Variants in FUT9 observed in about 807,000 individuals in gnomAD.
FUT9 encodes 4-galactosyl-N-acetylglucosaminide 3-alpha-L-fucosyltransferase 9.
FUT9 carries 15 observed loss-of-function variants against 29.7 expected under a neutral mutation model. The ratio of observed to expected loss-of-function variants is 0.51; its 90% CI spans 0.34 to 0.78. The LOEUF is 0.78. Ranked by LOEUF, FUT9 falls within the 30% of genes least tolerant of loss-of-function variation. The pLI is 0.01. For synonymous variants in FUT9, 169 were observed against 153.7 expected (o/e 1.10, Z -0.74); for missense variants, 319 against 425.4 (o/e 0.75, Z 2.20).
intron 1 of FUT9, among the ~76,000 whole-genome samples, chr6:96,042,571 C>A (rs1164254751): frequency 2.0e-5 from 3 of 152,114 alleles, no homozygotes; most frequent in African/African-American, 7.2e-5. Flanking sequence ...TATACTCCAG[C>A]ATGCATATTA....
rs575637378 is a variant in FUT9 at position 96,016,943 on chromosome 6, C to G, written c.-98+731C>G. The stretch of plus-strand genomic sequence containing the variant: ...TTTTTGTTATTGTTGTTTTAAAGCG[C>G]AGAACTATTTGCATTGCTTAGGTTT... On this transcript the variant is annotated intron_variant, in intron 1 of 2. Coordinates refer to ENST00000302103, the MANE Select transcript of FUT9 (RefSeq NM_006581.4). Among the ~76,000 whole-genome samples, 12 of 152,326 alleles carry G rather than the reference C, an allele frequency of 7.9e-5. No homozygotes were observed. The East Asian group carries it at 2.3e-3, about 29-fold the overall frequency.
intron 1 of FUT9, among the ~76,000 whole-genome samples, chr6:96,102,002 G>A (rs1447649663): frequency 1.3e-5 from 2 of 152,026 alleles, no homozygotes; most frequent in Non-Finnish European, 2.9e-5. Flanking sequence ...ATATGGATAT[G>A]TATGCACGTG....
At chr6:96,119,979 G>A (rs1771990608) in intron 2 of FUT9, among the ~76,000 whole-genome samples, 1 of 152,120 alleles carries the variant, frequency 6.6e-6, no homozygotes, top group African/African-American at 2.4e-5. Context: ...TAATAGTATA[G>A]TAGGTATAGG....
intron 1 of FUT9, among the ~76,000 whole-genome samples, chr6:96,089,553 T>C (rs545759037): frequency 1.3e-5 from 2 of 152,336 alleles, no homozygotes; most frequent in East Asian, 3.9e-4. Flanking sequence ...AGAAGGTAGA[T>C]CTGATCCATA....
rs942582694 is a variant in FUT9 at position 96,206,027 on chromosome 6, C to A, written c.*1792C>A. 2 of 166,906 alleles carry A rather than the reference C, an allele frequency of 1.2e-5. No homozygotes were observed. The highest frequency in any genetic ancestry group is 4.8e-5 in the African/African-American group (2 of 41,452). The allele number at this position is 166,906 out of a possible 1,614,324, so 10.3% of individuals were successfully genotyped here. A position where few individuals can be genotyped will look rare whatever the true frequency, so the allele number is the denominator to read the frequency against. On this transcript the variant is annotated 3_prime_UTR_variant, in exon 3 of 3. Transcript: ENST00000302103. ...TAAGATGAACAAGGTACTATCACTG[C>A]CTAAAATGAGCTTACAATTAAGTGG...
At chr6:96,053,107 G>A (rs1238400916) in intron 1 of FUT9, among the ~76,000 whole-genome samples, 1 of 151,138 alleles carries the variant, frequency 6.6e-6, no homozygotes, top group African/African-American at 2.4e-5. Flanking sequence ...CCTTTATCCT[G>A]GTCTACTGAG....
At chr6:96,027,163 G>A (rs1770182628) in intron 1 of FUT9, among the ~76,000 whole-genome samples, 1 of 151,474 alleles carries the variant, frequency 6.6e-6, no homozygotes, top group Admixed American at 6.6e-5. Context: ...TTCAAATTTT[G>A]CATTTATAGT....
intron 1 of FUT9, among the ~76,000 whole-genome samples, chr6:96,096,764 A>C (rs1013813189): frequency 6.6e-6 from 1 of 150,648 alleles, no homozygotes; most frequent in South Asian, 2.1e-4. Context: ...TGCCTACTCT[A>C]TTGAAAATTG....
chr6:96,170,546 T>TCACACA (rs5878420), intron 2 of FUT9, among the ~76,000 whole-genome samples: 10 of 148,794 alleles, frequency 6.7e-5, no homozygotes, highest in African/African-American at 2.5e-4. Flanking sequence ...AAAATCCCTT[T>TCACACA]CACACACACA....
intron 2 of FUT9, among the ~76,000 whole-genome samples, chr6:96,127,263 C>T (rs1205898723): frequency 2.0e-5 from 3 of 152,142 alleles, no homozygotes; most frequent in Non-Finnish European, 4.4e-5. Context: ...CAGTGTTTAG[C>T]TCCCACTTAT....
At chr6:96,080,689 A>C (rs1426781277) in intron 1 of FUT9, among the ~76,000 whole-genome samples, 1 of 151,916 alleles carries the variant, frequency 6.6e-6, no homozygotes, top group East Asian at 1.9e-4. Flanking sequence ...GTCCTTCCTA[A>C]AGTGGTCATA....
chr6:96,154,431 A>G (rs1423757421), intron 2 of FUT9, among the ~76,000 whole-genome samples: 1 of 152,214 alleles, frequency 6.6e-6, no homozygotes, highest in Non-Finnish European at 1.5e-5. Flanking sequence ...TTTACTTGTT[A>G]GTTGAAAATT....
intron 2 of FUT9, among the ~76,000 whole-genome samples, chr6:96,175,813 G>A (rs893187536): frequency 6.6e-6 from 1 of 152,178 alleles, no homozygotes; most frequent in Non-Finnish European, 1.5e-5. Context: ...TCAACTTAAT[G>A]AGATTAAGGG....
At chr6:96,111,268 G>A (rs930930962) in intron 1 of FUT9, among the ~76,000 whole-genome samples, 2 of 151,954 alleles carry the variant, frequency 1.3e-5, no homozygotes, top group Non-Finnish European at 2.9e-5. Context: ...TCTACCCCAC[G>A]GCAGGCAGAT....
chr6:96,127,692 CTGTTA>C (rs1409208729), intron 2 of FUT9, among the ~76,000 whole-genome samples: 2 of 152,046 alleles, frequency 1.3e-5, no homozygotes, highest in African/African-American at 4.8e-5. Flanking sequence ...TTGCCAGCAT[CTGTTA>C]TTTTTTGACT....
At chr6:96,117,087 T>G (rs1771925931) in intron 2 of FUT9, among the ~76,000 whole-genome samples, 1 of 152,160 alleles carries the variant, frequency 6.6e-6, no homozygotes, top group South Asian at 2.1e-4. Flanking sequence ...TAGCCTATAT[T>G]TTGGAAAACA....
intron 1 of FUT9, among the ~76,000 whole-genome samples, chr6:96,043,120 C>T (rs1011576011): frequency 6.6e-6 from 1 of 152,132 alleles, no homozygotes; most frequent in African/African-American, 2.4e-5. Flanking sequence ...GGCGCGATCT[C>T]GGCTCACTGC....
At chr6:96,133,732 A>T (rs1302497008) in intron 2 of FUT9, among the ~76,000 whole-genome samples, 1 of 151,996 alleles carries the variant, frequency 6.6e-6, no homozygotes, top group Non-Finnish European at 1.5e-5. Context: ...GTTAATTTAC[A>T]GACTAACCTA....
chr6:96,106,248 T>TTCCTTC (rs1562126417), intron 1 of FUT9, among the ~76,000 whole-genome samples: 1 of 151,588 alleles, frequency 6.6e-6, no homozygotes, highest in African/African-American at 2.4e-5. Context: ...CCTTCCTTCA[T>TTCCTTC]CTTCTTAATG....
Sources: gnomAD v4.1 joint callset for allele counts (sites outside exome capture counted in the v4.1 genomes callset) on GRCh38, gnomAD v4.1.1 for gene constraint, MANE v1.5 for transcripts, NCBI Gene and HGNC (gene_info 2026-07-23, HGNC 2026-07-21) for gene names.